Variants in PPP3CA observed in about 807,000 individuals in gnomAD.
The protein encoded by PPP3CA is protein phosphatase 3 catalytic subunit alpha.
PPP3CA carries 14 observed loss-of-function variants against 66.5 expected under a neutral mutation model. The observed-to-expected ratio is 0.21, with a 90% CI of 0.14 to 0.33. The LOEUF (loss-of-function observed/expected upper bound fraction) is 0.33. Among genes scored for constraint, PPP3CA ranks in the 10% least tolerant of loss-of-function variants. The pLI, the probability that PPP3CA is intolerant of heterozygous loss-of-function variation, is 1.00. For missense variants in PPP3CA, 317 were observed against 639.5 expected (o/e 0.50, Z 5.44); for synonymous variants, 232 against 226.2 (o/e 1.03, Z -0.23).
intron 1 of PPP3CA, among the ~76,000 whole-genome samples, chr4:101,301,852 C>T (rs1362240961): frequency 6.7e-6 from 1 of 149,378 alleles, no homozygotes; most frequent in Non-Finnish European, 1.5e-5. Context: ...TTAAAAATCA[C>T]AGTTAAAGGA....
intron 8 of PPP3CA, among the ~76,000 whole-genome samples, chr4:101,066,946 CAG>C (rs933922131): frequency 1.4e-4 from 22 of 152,166 alleles, no homozygotes; most frequent in Admixed American, 1.2e-3. Flanking sequence ...GTCTGAGAAA[CAG>C]AGAAAAAAAG....
chr4:101,333,936 C>T lies in PPP3CA; in HGVS notation c.58+12803G>A, dbSNP rs541579213. On this transcript the variant is annotated intron_variant, in intron 1 of 13. Coordinates refer to ENST00000394854, the MANE Select transcript of PPP3CA (RefSeq NM_000944.5). ...TTCAGATTGCCTACATTATGTTAGA[C>T]CCCAAGAACACAGTGCAGAGCCACA... Among the ~76,000 whole-genome samples the T allele has an allele frequency of 5.3e-5, 8 of 152,254 alleles. No individual in the cohort carries two copies. In the South Asian group the frequency reaches 1.7e-3, roughly 32 times the overall value.
At chr4:101,064,968 A>G (rs1728621326) in intron 8 of PPP3CA, among the ~76,000 whole-genome samples, 1 of 152,046 alleles carries the variant, frequency 6.6e-6, no homozygotes, top group Admixed American at 6.6e-5. Flanking sequence ...TGGCTGACCA[A>G]CATGGTTCCA....
chr4:101,042,569 T>C (rs1415209154), intron 10 of PPP3CA, among the ~76,000 whole-genome samples: 1 of 152,212 alleles, frequency 6.6e-6, no homozygotes, highest in Non-Finnish European at 1.5e-5. Context: ...TCTCATTCAC[T>C]GTAAGTTCCT....
chr4:101,029,111 C>A (rs1726800814), intron 13 of PPP3CA, 55 bp downstream of exon 13: 1 of 1,510,872 alleles, frequency 6.6e-7, no homozygotes, highest in Admixed American at 1.7e-5. Flanking sequence ...ATGAATACAC[C>A]CAGCAGAGCC....
intron 8 of PPP3CA, among the ~76,000 whole-genome samples, chr4:101,067,444 T>C (rs896151792): frequency 6.6e-6 from 1 of 151,942 alleles, no homozygotes; most frequent in African/African-American, 2.4e-5. Flanking sequence ...CTTAATCCAC[T>C]GCTCTGTCTA....
intron 1 of PPP3CA, among the ~76,000 whole-genome samples, chr4:101,219,764 A>G (rs1197810239): frequency 6.6e-6 from 1 of 151,820 alleles, no homozygotes; most frequent in East Asian, 1.9e-4. Context: ...ATTATATTCC[A>G]TGTAACAATG....
intron 1 of PPP3CA, among the ~76,000 whole-genome samples, chr4:101,260,680 A>G (rs1435429948): frequency 6.6e-6 from 1 of 152,138 alleles, no homozygotes; most frequent in East Asian, 1.9e-4. Flanking sequence ...AGTCCAAACT[A>G]TCTTCTGCCC....
intron 1 of PPP3CA, among the ~76,000 whole-genome samples, chr4:101,243,976 T>C (rs1286797851): frequency 6.6e-6 from 1 of 152,202 alleles, no homozygotes; most frequent in Non-Finnish European, 1.5e-5. Flanking sequence ...ATTTATAAGA[T>C]AAGGTTTGGT....
chr4:101,293,516 C>T (rs1210338570), intron 1 of PPP3CA, among the ~76,000 whole-genome samples: 4 of 152,156 alleles, frequency 2.6e-5, no homozygotes, highest in Non-Finnish European at 1.5e-5. Flanking sequence ...GGAGTGAACA[C>T]ATGTCTTTGG....
chr4:101,192,343 TC>T (rs775255375), intron 2 of PPP3CA, among the ~76,000 whole-genome samples: 32 of 152,058 alleles, frequency 2.1e-4, no homozygotes, highest in Non-Finnish European at 3.8e-4. Flanking sequence ...CCTCCCCACC[TC>T]TTCCTACTCA....
At chr4:101,263,174 T>C (rs1280707886) in intron 1 of PPP3CA, among the ~76,000 whole-genome samples, 3 of 152,182 alleles carry the variant, frequency 2.0e-5, no homozygotes, top group African/African-American at 7.2e-5. Context: ...TACATGTCAC[T>C]AGGCAGCAGT....
intron 11 of PPP3CA, among the ~76,000 whole-genome samples, 155 bp from the exon 12 acceptor site, chr4:101,032,519 T>C (rs1399969189): frequency 6.7e-6 from 1 of 149,666 alleles, no homozygotes; most frequent in Non-Finnish European, 1.5e-5. Context: ...ACATACTTTA[T>C]TTTAATTTAT....
Position 101,155,107 on chromosome 4 carries a change from G to T in PPP3CA, c.259+40809C>A, listed in dbSNP as rs932751232. On this transcript the variant is annotated intron_variant, in intron 2 of 13. Coordinates refer to ENST00000394854, the MANE Select transcript of PPP3CA (RefSeq NM_000944.5). The stretch of plus-strand genomic sequence containing the variant: ...TGGGATTACGGGCGTGAGCCAACGC[G>T]CCCAGCCATATAAAAAATATTTTAA... Among the ~76,000 whole-genome samples, 3 of 152,010 alleles carry T rather than the reference G, an allele frequency of 2.0e-5. No homozygotes were observed. The South Asian group carries it at 6.2e-4, about 31-fold the overall frequency.
intron 10 of PPP3CA, among the ~76,000 whole-genome samples, chr4:101,044,482 G>A (rs972177062): frequency 3.3e-5 from 5 of 152,078 alleles, no homozygotes; most frequent in Non-Finnish European, 7.4e-5. Context: ...CCTTTTAAAT[G>A]AAAACTGTGG....
At chr4:101,204,071 G>A (rs1725050587) in intron 1 of PPP3CA, among the ~76,000 whole-genome samples, 2 of 151,998 alleles carry the variant, frequency 1.3e-5, no homozygotes, top group African/African-American at 4.8e-5. Context: ...CTGAGCTCAA[G>A]CAATCCTCCC....
intron 6 of PPP3CA, among the ~76,000 whole-genome samples, chr4:101,085,699 G>A (rs1729634194): frequency 6.6e-6 from 1 of 152,098 alleles, no homozygotes; most frequent in African/African-American, 2.4e-5. Flanking sequence ...CACTGTTGCT[G>A]AACTATTTAC....
intron 10 of PPP3CA, among the ~76,000 whole-genome samples, chr4:101,058,205 A>T (rs556023509): frequency 1.3e-5 from 2 of 152,310 alleles, no homozygotes; most frequent in East Asian, 3.9e-4. Context: ...TTATAGACAC[A>T]TAGGACTTTT....
intron 1 of PPP3CA, among the ~76,000 whole-genome samples, chr4:101,263,285 A>G (rs1174988219): frequency 6.6e-6 from 1 of 152,158 alleles, no homozygotes; most frequent in South Asian, 2.1e-4. Flanking sequence ...GGACAGTCCA[A>G]TTGTCTGAAG....
Sources: allele counts gnomAD v4.1 joint callset (sites outside exome capture counted in the v4.1 genomes callset), GRCh38; gene constraint gnomAD v4.1.1; transcripts MANE v1.5; gene names NCBI Gene and HGNC (gene_info 2026-07-23, HGNC 2026-07-21).